Variants in MYO10 observed in about 807,000 individuals in gnomAD.
MYO10 encodes the protein myosin X, also known as unconventional myosin-X.
A neutral mutation model predicts 257.3 loss-of-function variants in MYO10; 133 were observed. The ratio of observed to expected loss-of-function variants is 0.52; its 90% CI spans 0.45 to 0.60. The LOEUF is 0.60. Among genes scored for constraint, MYO10 ranks in the 20% least tolerant of loss-of-function variants. The pLI is 0.00. For synonymous variants in MYO10, 1,104 were observed against 1,028.6 expected, an observed-to-expected ratio of 1.07 and a Z score of -1.40; for missense variants, 2,399 against 2,635.7, an observed-to-expected ratio of 0.91 and a Z score of 1.97.
At chr5:16,845,327 G>A (rs979312018) in intron 2 of MYO10, among the ~76,000 whole-genome samples, 3 of 151,986 alleles carry the variant, frequency 2.0e-5, no homozygotes, top group African/African-American at 7.2e-5. Context: ...CCATTTTAAA[G>A]AGCTGTCCCA....
chr5:16,718,312 G>A (rs1266696542), intron 19 of MYO10, among the ~76,000 whole-genome samples: 4 of 152,138 alleles, frequency 2.6e-5, no homozygotes. Context: ...CAGTCCCATC[G>A]ACCACCTAAG....
At chr5:16,814,728 T>C (rs1406858943) in intron 3 of MYO10, 1 of 152,034 alleles carries the variant, frequency 6.6e-6, no homozygotes, top group Non-Finnish European at 1.5e-5. Context: ...TTATGGATAA[T>C]ATACAATTTT....
intron 26 of MYO10, among the ~76,000 whole-genome samples, chr5:16,694,902 G>A (rs1737666209): frequency 6.6e-6 from 1 of 152,198 alleles, no homozygotes; most frequent in Non-Finnish European, 1.5e-5. Flanking sequence ...AGCAAGTAAT[G>A]AACTGACACT....
chr5:16,676,205 T>C, intron 33 of MYO10, 51 bp from the exon 34 acceptor site: 8 of 1,594,522 alleles, frequency 5.0e-6, no homozygotes, highest in South Asian at 1.1e-5. Context: ...TTTTCCTACA[T>C]ATAAATATTT....
chr5:16,806,710 AT>A (rs1337209809), intron 3 of MYO10, among the ~76,000 whole-genome samples: 1 of 152,040 alleles, frequency 6.6e-6, no homozygotes, highest in African/African-American at 2.4e-5. Context: ...CTCATACAGG[AT>A]GCTTATAGAG....
At chr5:16,811,052 G>T (rs541292280) in intron 3 of MYO10, among the ~76,000 whole-genome samples, 2 of 137,604 alleles carry the variant, frequency 1.5e-5, no homozygotes, top group East Asian at 4.2e-4. Flanking sequence ...CTGGGCGAAA[G>T]AGCAAGACTC....
chr5:16,669,155 A>T (rs1736320605), intron 39 of MYO10, among the ~76,000 whole-genome samples: 1 of 152,172 alleles, frequency 6.6e-6, no homozygotes, highest in Non-Finnish European at 1.5e-5. Context: ...AAGAGTCTCT[A>T]GTTTATATCC....
At chr5:16,830,702 G>C (rs1283299463) in intron 2 of MYO10, among the ~76,000 whole-genome samples, 7 of 51,240 alleles carry the variant, frequency 1.4e-4, no homozygotes, top group African/African-American at 3.3e-4. Context: ...CACACACACA[G>C]GGCGACTGTA....
chr5:16,809,969 G>A (rs1270210577), intron 3 of MYO10, among the ~76,000 whole-genome samples: 1 of 152,042 alleles, frequency 6.6e-6, no homozygotes, highest in Non-Finnish European at 1.5e-5. Flanking sequence ...TCTCCTCTGC[G>A]CAACTGACCC....
chr5:16,906,544 C>T (rs1745524732), intron 1 of MYO10, among the ~76,000 whole-genome samples: 1 of 152,224 alleles, frequency 6.6e-6, no homozygotes, highest in Non-Finnish European at 1.5e-5. Context: ...GGCCCAGGAA[C>T]ATCCCACCTG....
chr5:16,871,828 A>C (rs898288201), intron 2 of MYO10, among the ~76,000 whole-genome samples: 1 of 152,200 alleles, frequency 6.6e-6, no homozygotes, highest in East Asian at 1.9e-4. Flanking sequence ...CAATTTTAAA[A>C]ATCTTGCCTC....
chr5:16,783,257 T>TTTTA, intron 5 of MYO10, 78 bp downstream of exon 5: 1 of 1,396,034 alleles, frequency 7.2e-7, no homozygotes, highest in Non-Finnish European at 9.6e-7. Context: ...GACCAACTAA[T>TTTTA]TTTAACTCTT....
At chr5:16,681,801 TGCA>T in intron 31 of MYO10, 67 bp downstream of exon 31, 4 of 1,511,768 alleles carry the variant, frequency 2.6e-6, no homozygotes, top group Non-Finnish European at 3.6e-6. Context: ...ATGAAAATGC[TGCA>T]GATGTCTATA....
At chr5:16,812,629 C>T (rs1275987881) in intron 3 of MYO10, among the ~76,000 whole-genome samples, 1 of 152,182 alleles carries the variant, frequency 6.6e-6, no homozygotes, top group Non-Finnish European at 1.5e-5. Context: ...CTGTAAACTT[C>T]TTCCAAATCC....
chr5:16,675,172 C>A lies in MYO10; in HGVS notation c.4667-22G>T, dbSNP rs368108784. On this transcript the variant is annotated intron_variant, in intron 34 of 40. Transcript: ENST00000513610. ...AGCACTAGGACAAGCAAAACAAACACGGAACTCATCTGAGGGGTTCAGAAT... is the reference window on the plus strand; with the variant it reads ...AGCACTAGGACAAGCAAAACAAACAAGGAACTCATCTGAGGGGTTCAGAAT... 8.7e-6 allele frequency: 14 copies of A among 1,610,602 alleles called. No homozygotes were observed. In the Admixed American group the frequency reaches 2.2e-4, roughly 25 times the overall value.
chr5:16,810,393 G>A (rs991094853), intron 3 of MYO10, among the ~76,000 whole-genome samples: 1 of 151,964 alleles, frequency 6.6e-6, no homozygotes, highest in Admixed American at 6.6e-5. Context: ...CTCCCCTACT[G>A]AATTACTGCA....
intron 2 of MYO10, among the ~76,000 whole-genome samples, chr5:16,856,673 G>A (rs2126741411): frequency 6.6e-6 from 1 of 152,260 alleles, no homozygotes; most frequent in South Asian, 2.1e-4. Context: ...TTGTCTTAGA[G>A]AGTCTTGCTC....
chr5:16,780,945 C>T (rs1397928573), intron 6 of MYO10, among the ~76,000 whole-genome samples: 2 of 152,096 alleles, frequency 1.3e-5, no homozygotes, highest in Admixed American at 1.3e-4. Context: ...CACATGGTAC[C>T]CTGTCAGGTA....
At position 16,701,587 on chromosome 5, in the gene MYO10, C is replaced by T; in HGVS notation, c.2808G>A (p.Arg936=). 1 of 1,613,788 alleles carries T rather than the reference C, an allele frequency of 6.2e-7. No homozygotes were observed. The highest frequency in any genetic ancestry group is 1.1e-5 in the South Asian group (1 of 91,038). ...GGGACTCGAGGAACTCCTGGGCCGC[C>T]CTGCACGCTTCCTCCTCCAGCCTGC... The part of the protein sequence containing the change: ...ELRRLEEEAC[R]AAQEFLESLN... Residue 936 remains arginine (R), a synonymous_variant, in exon 25 of 41, where the codon AGG becomes AGA. Coordinates refer to ENST00000513610, the MANE Select transcript of MYO10 (RefSeq NM_012334.3). The surrounding 1 kb of genome is among the most constrained non-coding windows in gnomAD (Gnocchi z 8.1).
Sources: gnomAD v4.1 joint callset for allele counts (sites outside exome capture counted in the v4.1 genomes callset) on GRCh38, gnomAD v4.1.1 for gene constraint, Gnocchi (gnomAD v3.1) non-coding constraint, MANE v1.5 for transcripts, NCBI Gene and HGNC (gene_info 2026-07-23, HGNC 2026-07-21) for gene names.